EDAR: variants seen among roughly 807,000 people sequenced by gnomAD.
The protein encoded by EDAR is tumor necrosis factor receptor superfamily member EDAR.
A neutral mutation model predicts 51.3 loss-of-function variants in EDAR; 38 were observed. The ratio of observed to expected loss-of-function variants is 0.74; its 90% confidence interval spans 0.57 to 0.97. The LOEUF (loss-of-function observed/expected upper bound fraction) is 0.97. Ranked by LOEUF, EDAR falls within the 50% of genes least tolerant of loss-of-function variation. The pLI is 0.00. For missense variants in EDAR, 528 were observed against 595.0 expected (o/e 0.89, Z 1.17); for synonymous variants, 227 against 242.1 (o/e 0.94, Z 0.58).
In EDAR at chr2:108,930,147, C is replaced by A. The variant is rs149582563; in HGVS notation, c.147G>T (p.Pro49=). 6.2e-7 allele frequency: 1 copy of A among 1,613,966 alleles called. No homozygotes were observed. The highest frequency in any genetic ancestry group is 1.1e-5 in the South Asian group (1 of 91,082). The change falls in exon 3 of 12, where the codon CCG becomes CCT. Residue 49 remains proline (P), a synonymous_variant. Transcript: ENST00000258443. ...QTTGLCQECP[P]CGPGEEPYLS... ...GGTAGGGCTCCTCTCCCGGCCCACA[C>A]GGGGGGCACTCCTGGCACAGCCCCG...
chr2:108,965,168 T>C (rs1476935269), intron 1 of EDAR, among the ~76,000 whole-genome samples: 6 of 152,116 alleles, frequency 3.9e-5, no homozygotes, highest in African/African-American at 9.7e-5. Flanking sequence ...CAAAGTGTCA[T>C]GATTATATCT....
intron 11 of EDAR, among the ~76,000 whole-genome samples, chr2:108,904,311 C>G (rs1696762509): frequency 6.6e-6 from 1 of 152,166 alleles, no homozygotes; most frequent in South Asian, 2.1e-4. Context: ...GTAACACCAC[C>G]AAATGCTGGC....
intron 1 of EDAR, among the ~76,000 whole-genome samples, chr2:108,953,594 C>T (rs1285349902): frequency 6.6e-6 from 1 of 152,052 alleles, no homozygotes; most frequent in Non-Finnish European, 1.5e-5. Flanking sequence ...TTGTCCAGTT[C>T]TATAGTTGTT....
chr2:108,962,629 C>G (rs1450160952), intron 1 of EDAR, among the ~76,000 whole-genome samples: 2 of 141,710 alleles, frequency 1.4e-5, no homozygotes, highest in Admixed American at 1.5e-4. Flanking sequence ...GAGCCGAGAT[C>G]GCTCCACTGC....
At position 108,978,722 on chromosome 2, in the gene EDAR, A is replaced by ACAATGCCCAACC. The variant is rs1249751420; in HGVS notation, c.-19+10226_-19+10237dup. Among the ~76,000 whole-genome samples the ACAATGCCCAACC allele has an allele frequency of 2.0e-5, 3 of 152,348 alleles. No individual in the cohort carries two copies. The East Asian group carries it at 5.8e-4, about 29-fold the overall frequency. ...CTGTAGTGAGGCAGAACACCAGCAGACAATGCCCAACCCCGTGCAGGTTTT... is the reference window on the plus strand; with the variant it reads ...CTGTAGTGAGGCAGAACACCAGCAGACAATGCCCAACCCAATGCCCAACCCCGTGCAGGTTTT... On this transcript the variant is annotated intron_variant, in intron 1 of 11. Transcript: ENST00000258443.
chr2:108,915,974 G>A (rs921430240), intron 5 of EDAR, among the ~76,000 whole-genome samples: 1 of 152,070 alleles, frequency 6.6e-6, no homozygotes, highest in Non-Finnish European at 1.5e-5. Flanking sequence ...AAAGCCACAA[G>A]CCCATGTCAA....
rs140086559 is a variant in EDAR, at chr2:108,949,091, C to T, written c.-18-18059G>A. ...CTCCAGAGCTCAAGTGATTCTCTCA[C>T]CTCAGCCTCCTGAGTAGCTGGATCT... is the stretch of plus-strand genomic sequence containing the variant. On this transcript the variant is annotated intron_variant, in intron 1 of 11. Coordinates refer to ENST00000258443, the MANE Select transcript of EDAR (RefSeq NM_022336.4). Among the ~76,000 whole-genome samples, 420 of 152,302 alleles carry T rather than the reference C, an allele frequency of 2.8e-3. 3 individuals are homozygous for T. The highest frequency in any genetic ancestry group is 9.6e-3 in the African/African-American group (399 of 41,548).
At chr2:108,971,093 T>C (rs2104440294) in intron 1 of EDAR, among the ~76,000 whole-genome samples, 1 of 152,096 alleles carries the variant, frequency 6.6e-6, no homozygotes, top group East Asian at 1.9e-4. Flanking sequence ...GGGGGATTCT[T>C]CACCCCCTCC....
intron 11 of EDAR, among the ~76,000 whole-genome samples, chr2:108,905,165 C>A (rs993909280): frequency 6.6e-6 from 1 of 152,186 alleles, no homozygotes; most frequent in Non-Finnish European, 1.5e-5. Context: ...TTAAGACCTG[C>A]AGGTGACTCT....
intron 4 of EDAR, among the ~76,000 whole-genome samples, chr2:108,926,574 G>C (rs552256647): frequency 4.7e-4 from 71 of 152,204 alleles, no homozygotes; most frequent in Non-Finnish European, 1.0e-3. Flanking sequence ...CCAGAATCGC[G>C]GGGTGGTGGA....
chr2:108,917,786 G>A (rs1244904017), intron 5 of EDAR, among the ~76,000 whole-genome samples: 3 of 152,078 alleles, frequency 2.0e-5, no homozygotes, highest in Non-Finnish European at 4.4e-5. Flanking sequence ...ACAAGAACAG[G>A]TGAGCAGATC....
rs1697354206 is a variant in EDAR, at chr2:108,930,882, T to G, written c.51+82A>C. 6 of 1,483,114 alleles carry G rather than the reference T, an allele frequency of 4.0e-6. No individual in the cohort carries two copies. The East Asian group carries it at 1.4e-4, about 34-fold the overall frequency. The allele number at this position is 1,483,114 out of a possible 1,614,324, so 91.9% of individuals were successfully genotyped here. A position where few individuals can be genotyped will look rare whatever the true frequency, so the allele number is the denominator to read the frequency against. ...GAGGGACTATGATCAGCATTCCCAT[T>G]TTACAGCTGAAGAGGCCAAGAAACA... On this transcript the variant is annotated intron_variant, in intron 2 of 11. Transcript: ENST00000258443.
intron 4 of EDAR, among the ~76,000 whole-genome samples, chr2:108,926,313 T>C (rs1309141175): frequency 6.6e-6 from 1 of 152,178 alleles, no homozygotes; most frequent in Non-Finnish European, 1.5e-5. Context: ...CCCCAACCCC[T>C]GTTCTACATA....
In EDAR at chr2:108,930,217, G is replaced by A. The variant is rs550414401; in HGVS notation, c.77C>T (p.Ala26Val). Residue 26 changes from alanine to valine, a missense_variant, in exon 3 of 12, where the codon GCG becomes GTG. Coordinates refer to ENST00000258443, the MANE Select transcript of EDAR (RefSeq NM_022336.4). Reference sequence around the variant, plus strand: ...GTTCTCACCGCAGTTTGAGTATTCCGCTCGGGCTGAGCACATCAGAGACAC... The same window carrying A: ...GTTCTCACCGCAGTTTGAGTATTCCACTCGGGCTGAGCACATCAGAGACAC... Reference protein sequence around the residue: ...LVVSLMCSARAEYSNCGENEY... With the variant: ...LVVSLMCSARVEYSNCGENEY... The A allele has an allele frequency of 3.0e-5, 49 of 1,614,088 alleles. No individual in the cohort carries two copies. The highest frequency in any genetic ancestry group is 3.4e-5 in the Non-Finnish European group (40 of 1,180,034).
rs144996915 is a variant in EDAR, at chr2:108,896,945, C to A, written c.1309G>T (p.Val437Phe). 2.4e-5 allele frequency: 39 copies of A among 1,612,930 alleles called. No homozygotes were observed. The African/African-American group carries it at 4.5e-4, about 19-fold the overall frequency. The change falls in exon 12 of 12, where the codon GTT becomes TTT. Residue 437 changes from valine to phenylalanine, a missense_variant. Coordinates refer to ENST00000258443, the MANE Select transcript of EDAR (RefSeq NM_022336.4). ...LCADILEWAG[V>F]VPPASQPHAA... ...TGTGGCTGGGAGGCAGGTGGCACAA[C>A]CCCCGCCCACTCCAGTATGTCTGCA...
intron 1 of EDAR, among the ~76,000 whole-genome samples, chr2:108,934,257 A>C (rs1697425743): frequency 6.6e-6 from 1 of 152,174 alleles, no homozygotes; most frequent in Non-Finnish European, 1.5e-5. Flanking sequence ...GGAGGGGAGC[A>C]CAGGGCAGCC....
chr2:108,912,259 T>A (rs187344889), intron 6 of EDAR, among the ~76,000 whole-genome samples: 15 of 152,306 alleles, frequency 9.8e-5, no homozygotes, highest in African/African-American at 3.4e-4. Context: ...CTTCCCTGGT[T>A]AGGGAGAATG....
intron 3 of EDAR, 119 bp downstream of exon 3, chr2:108,930,001 G>T: frequency 7.9e-7 from 1 of 1,272,862 alleles, no homozygotes; most frequent in Non-Finnish European, 1.1e-6. Flanking sequence ...GAGCGTGACC[G>T]GCTGGTTTGA....
At chr2:108,936,307 C>CT (rs1351713259) in intron 1 of EDAR, among the ~76,000 whole-genome samples, 1 of 152,242 alleles carries the variant, frequency 6.6e-6, no homozygotes, top group East Asian at 1.9e-4. Context: ...CTCCAGCGTG[C>CT]TTACCTGGCC....
Sources: gnomAD v4.1 joint callset for allele counts (sites outside exome capture counted in the v4.1 genomes callset) on GRCh38, gnomAD v4.1.1 for gene constraint, MANE v1.5 for transcripts, NCBI Gene and HGNC (gene_info 2026-07-23, HGNC 2026-07-21) for gene names.